KANK1: variants seen among roughly 807,000 people sequenced by gnomAD.
KANK1 encodes the protein KN motif and ankyrin repeat domains 1, also known as KN motif and ankyrin repeat domain-containing protein 1.
In KANK1, 109 loss-of-function variants were observed where a neutral mutation model predicts 106.2. The ratio of observed to expected loss-of-function variants is 1.03; its 90% confidence interval spans 0.88 to 1.20. KANK1 has a LOEUF of 1.20. KANK1 is among the 50% of genes most tolerant of loss of function. The pLI is 0.00. For missense variants in KANK1, 2,399 were observed against 1,710.7 expected, an observed-to-expected ratio of 1.40 and a Z score of -7.10; for synonymous variants, 873 against 652.2, an observed-to-expected ratio of 1.34 and a Z score of -5.16.
chr9:527,323 T>C (rs2059835640), intron 1 of KANK1, among the ~76,000 whole-genome samples: 1 of 150,420 alleles, frequency 6.6e-6, no homozygotes, highest in Non-Finnish European at 1.5e-5. Flanking sequence ...GTTTTTGAAA[T>C]GGAGTTTCAC....
intron 1 of KANK1, among the ~76,000 whole-genome samples, chr9:607,952 T>C (rs141602534): frequency 1.3e-5 from 2 of 151,442 alleles, no homozygotes; most frequent in Admixed American, 1.3e-4. Flanking sequence ...TGTGTGTGTG[T>C]ATGTGTATAA....
chr9:612,790 A>G (rs1474824271), intron 1 of KANK1, among the ~76,000 whole-genome samples: 1 of 152,160 alleles, frequency 6.6e-6, no homozygotes, highest in Non-Finnish European at 1.5e-5. Flanking sequence ...TTTGACTGTG[A>G]CACTCTTTCG....
chr9:623,252 T>A (rs1246728495), intron 1 of KANK1, among the ~76,000 whole-genome samples: 1 of 151,792 alleles, frequency 6.6e-6, no homozygotes, highest in South Asian at 2.1e-4. Context: ...AGGACCTTAA[T>A]AGACACTTTT....
intron 1 of KANK1, among the ~76,000 whole-genome samples, chr9:632,206 C>G (rs922083899): frequency 1.3e-5 from 2 of 152,084 alleles, no homozygotes. Context: ...CCTTTAACAT[C>G]AGATATTGGC....
rs528127183 is a variant in KANK1 at position 669,157 on chromosome 9, C to CT, written c.-83-7731dup. Among the ~76,000 whole-genome samples, 6 of 152,316 alleles carry CT rather than the reference C, an allele frequency of 3.9e-5. No homozygotes were observed. The East Asian group carries it at 1.2e-3, about 29-fold the overall frequency. On this transcript the variant is annotated intron_variant, in intron 1 of 11. Transcript: ENST00000382297. The stretch of plus-strand genomic sequence containing the variant: ...TTACGTATTTTGATATTGCCTATCT[C>CT]TTAACAGATTGCTGTAGCTGTTAGG...
At chr9:611,998 G>A (rs1406002751) in intron 1 of KANK1, among the ~76,000 whole-genome samples, 2 of 152,170 alleles carry the variant, frequency 1.3e-5, no homozygotes, top group African/African-American at 4.8e-5. Context: ...GATTACAGGC[G>A]TGAGCCACCG....
In KANK1 at chr9:740,935, G is replaced by T; in HGVS notation, c.3696+1G>T. 1 of 1,614,106 alleles carries T rather than the reference G, an allele frequency of 6.2e-7. No homozygotes were observed. The stretch of plus-strand genomic sequence containing the variant: ...GGATGTGAATGCCAAAGCTAGTCAG[G>T]TTAGTGCGCCTGGTTCCTGTGCTCA... On this transcript the variant is annotated splice_donor_variant, in intron 9 of 11. Transcript: ENST00000382297. LOFTEE classifies it high-confidence loss of function.
intron 3 of KANK1, among the ~76,000 whole-genome samples, chr9:715,789 T>G (rs1827526307): frequency 6.6e-6 from 1 of 152,252 alleles, no homozygotes; most frequent in Non-Finnish European, 1.5e-5. Flanking sequence ...ACCATTTTGT[T>G]TAACGTTCTA....
At chr9:530,562 G>C (rs2133500903) in intron 1 of KANK1, among the ~76,000 whole-genome samples, 1 of 152,256 alleles carries the variant, frequency 6.6e-6, no homozygotes, top group South Asian at 2.1e-4. Context: ...CTAGCTCTGT[G>C]ATGTTGAGCT....
rs769449089 is a variant in KANK1, at chr9:711,709, A to G, written c.943A>G (p.Asn315Asp). The G allele has an allele frequency of 1.2e-6, 2 of 1,614,222 alleles. No homozygotes were observed. The highest frequency in any genetic ancestry group is 1.7e-6 in the Non-Finnish European group (2 of 1,180,036). Residue 315 changes from asparagine to aspartate, a missense_variant, in exon 3 of 12, where the codon AAT becomes GAT. Physicochemically the swap from Asn to Asp is conservative, Grantham distance 23. Coordinates refer to ENST00000382297, the MANE Select transcript of KANK1 (RefSeq NM_015158.5). ...LKNQRAASQI[N>D]VCGVRKRSYS... ...AAACCAAAGGGCTGCATCCCAGATCAATGTCTGTGGTGTGAGGAAGCGGTC... is the reference window on the plus strand; with the variant it reads ...AAACCAAAGGGCTGCATCCCAGATCGATGTCTGTGGTGTGAGGAAGCGGTC...
At position 498,658 on chromosome 9, in the gene KANK1, T is replaced by C. The variant is rs528605840; in HGVS notation, c.-362+25385T>C. ...AATGGACATTTCTCCAAAGAAAATA[T>C]ACAAATGGCCAATACGAATTCTCAA... On this transcript the variant is annotated intron_variant, in intron 3 of 15. Transcript: ENST00000382303. Among the ~76,000 whole-genome samples the C allele has an allele frequency of 2.6e-5, 4 of 152,178 alleles. No individual in the cohort carries two copies. In the South Asian group the frequency reaches 8.3e-4, roughly 32 times the overall value.
At chr9:703,225 C>G (rs938668172) in intron 2 of KANK1, among the ~76,000 whole-genome samples, 4 of 152,136 alleles carry the variant, frequency 2.6e-5, no homozygotes, top group Admixed American at 2.0e-4. Flanking sequence ...CTCCTGATCT[C>G]AAGTGAACTG....
At chr9:564,534 GAAAC>G (rs917290391) in intron 1 of KANK1, among the ~76,000 whole-genome samples, 8 of 152,152 alleles carry the variant, frequency 5.3e-5, no homozygotes, top group Non-Finnish European at 8.8e-5. Context: ...ATGCTAATAT[GAAAC>G]ATACATAGTT....
At chr9:696,144 C>T (rs7848071) in intron 2 of KANK1, among the ~76,000 whole-genome samples, 76 of 152,070 alleles carry the variant, frequency 5.0e-4, no homozygotes, top group African/African-American at 1.7e-3. Flanking sequence ...ATTAGCCGGG[C>T]GTGGTGGCGG....
Position 745,502 on chromosome 9 carries a change from A to G in KANK1, c.*267A>G, listed in dbSNP as rs16923293. ...TCTCTGCTCCGTTTTGTACAGTCAC[A>G]GGGAATTCTGATCTGAAGGGGCACC... On this transcript the variant is annotated 3_prime_UTR_variant, in exon 12 of 12. Coordinates refer to ENST00000382297, the MANE Select transcript of KANK1 (RefSeq NM_015158.5). 5.7e-3 allele frequency: 1,844 copies of G among 324,622 alleles called. 37 individuals carry two copies. The highest frequency in any genetic ancestry group is 0.034 in the African/African-American group (1,602 of 46,576). 20.1% of individuals were successfully genotyped at this position (324,622 alleles called of 1,614,324 possible).
intron 1 of KANK1, among the ~76,000 whole-genome samples, chr9:590,984 A>G (rs1156303732): frequency 6.6e-6 from 1 of 151,800 alleles, no homozygotes; most frequent in Non-Finnish European, 1.5e-5. Context: ...CACACCCTTA[A>G]CATTGGATAG....
intron 2 of KANK1, among the ~76,000 whole-genome samples, chr9:688,451 C>A (rs1164342494): frequency 6.6e-6 from 1 of 152,154 alleles, no homozygotes; most frequent in Non-Finnish European, 1.5e-5. Flanking sequence ...ACTAAAAATA[C>A]AAAAATTAGC....
At chr9:572,797 G>A (rs940257049) in intron 1 of KANK1, among the ~76,000 whole-genome samples, 2 of 151,996 alleles carry the variant, frequency 1.3e-5, no homozygotes, top group African/African-American at 2.4e-5. Flanking sequence ...TTAAAACATC[G>A]CTGTTTCTGG....
At chr9:618,370 G>C (rs900914949) in intron 1 of KANK1, among the ~76,000 whole-genome samples, 8 of 151,960 alleles carry the variant, frequency 5.3e-5, no homozygotes, top group African/African-American at 1.9e-4. Flanking sequence ...ACCACACCCA[G>C]TTAATTTTTG....
Sources: gnomAD v4.1 joint callset for allele counts (sites outside exome capture counted in the v4.1 genomes callset) on GRCh38, gnomAD v4.1.1 for gene constraint, MANE v1.5 for transcripts, NCBI Gene and HGNC (gene_info 2026-07-23, HGNC 2026-07-21) for gene names.